Variants in CFP observed in about 807,000 individuals in gnomAD.
CFP encodes the protein properdin.
In CFP, 14 loss-of-function variants were observed where a neutral mutation model predicts 42.1. That is an observed-to-expected ratio of 0.33 (90% confidence interval 0.22 to 0.52). The LOEUF (loss-of-function observed/expected upper bound fraction) is 0.52. Ranked by LOEUF, CFP falls within the 20% of genes least tolerant of loss-of-function variation. The probability of loss-of-function intolerance (pLI) is 0.96; values close to 1 mark genes in which losing one functional copy is unlikely to be tolerated. For missense variants in CFP, 318 were observed against 400.4 expected (o/e 0.79, Z 1.76); for synonymous variants, 149 against 160.6 (o/e 0.93, Z 0.54).
At chrX:47,626,565 G>A (rs2057969325) in intron 6 of CFP, 46 bp from the exon 7 acceptor site, 1 of 1,180,010 alleles carries the variant, frequency 8.5e-7, no homozygotes, top group South Asian at 1.8e-5. Flanking sequence ...CAGGGAATCA[G>A]CAAGGGGGTT....
intron 2 of CFP, 36 bp downstream of exon 2, chrX:47,629,488 C>CCCCCCCCCCCCACCCCCCCCCCA: frequency 1.5e-6 from 1 of 657,607 alleles, no homozygotes; most frequent in Non-Finnish European, 2.4e-6. Context: ...ACAGTCCTTC[C>CCCCCCCCCCCCACCCCCCCCCCA]CTCCCCCCCA....
At chrX:47,629,500 C>CCCCCAAA in intron 2 of CFP, 24 bp downstream of exon 2, 1 of 477,887 alleles carries the variant, frequency 2.1e-6, no homozygotes. Flanking sequence ...TCCCCCCCAT[C>CCCCCAAA]CCCCACCCCA....
At chrX:47,629,088 G>A (rs2057980515) in intron 2 of CFP, 1 of 160,751 alleles carries the variant, frequency 6.2e-6, no homozygotes, top group Non-Finnish European at 1.2e-5. Context: ...AACATGAGCT[G>A]TCATCAAAAT....
At chrX:47,628,858 G>T in intron 2 of CFP, 2 of 190,696 alleles carry the variant, frequency 1.0e-5, no homozygotes, top group Admixed American at 1.3e-4. Flanking sequence ...TCTGGCATAC[G>T]GTAAGGGCTC....
At chrX:47,626,573 G>T in intron 6 of CFP, 54 bp from the exon 7 acceptor site, 1 of 1,171,406 alleles carries the variant, frequency 8.5e-7, no homozygotes, top group Non-Finnish European at 1.2e-6. Context: ...CAGCAAGGGG[G>T]TTCAGAGGAA....
chrX:47,623,996 C>G lies in CFP; in HGVS notation c.*279G>C. ...GAGGCTCTAAGGGGGCTGCGCAGGG[C>G]CCAGACATTGGGGTTATGGCAGCGG... On this transcript the variant is annotated 3_prime_UTR_variant, in exon 9 of 9. Coordinates refer to ENST00000396992, the MANE Select transcript of CFP (RefSeq NM_001145252.3). 2.7e-6 allele frequency: 1 copy of G among 366,103 alleles called. No homozygotes were observed. Among genetic ancestry groups the G allele is most frequent in the Non-Finnish European group, 4.8e-6 (1 of 206,554 alleles). 30.2% of individuals were successfully genotyped at this position (366,103 alleles called of 1,213,427 possible). A position where few individuals can be genotyped will look rare whatever the true frequency, so the allele number is the denominator to read the frequency against.
chrX:47,625,774 A>C, intron 8 of CFP: 1 of 382,676 alleles, frequency 2.6e-6, no homozygotes, highest in Non-Finnish European at 4.6e-6. Context: ...GAGTGATGGC[A>C]GCTAAAAGCA....
rs752196898 is a variant in CFP at position 47,629,619 on chromosome X, C to T, written c.132G>A (p.Lys44=). The T allele has an allele frequency of 8.6e-7, 1 of 1,169,220 alleles. No homozygotes were observed. The highest frequency in any genetic ancestry group is 1.1e-6 in the Non-Finnish European group (1 of 873,209). ...TQYEESSGKC[K]GLLGGGVSVE... ...CGCTGACACCACCCCCCAGGAGGCC[C>T]TTGCACTTGCCGGAGGATTCTTCAT... Residue 44 remains lysine, a synonymous_variant, in exon 2 of 9, where the codon AAG becomes AAA. Coordinates refer to ENST00000396992, the MANE Select transcript of CFP (RefSeq NM_001145252.3).
intron 2 of CFP, 34 bp downstream of exon 2, chrX:47,629,490 T>TGC: frequency 2.7e-6 from 1 of 375,004 alleles, no homozygotes; most frequent in Non-Finnish European, 4.8e-6. Flanking sequence ...AGTCCTTCCC[T>TGC]CCCCCCCATC....
rs1444150137 is a variant in CFP at position 47,627,243 on chromosome X, G to A, written c.664C>T (p.Arg222Cys). The A allele has an allele frequency of 3.3e-6, 4 of 1,210,017 alleles. No homozygotes were observed. The highest frequency in any genetic ancestry group is 4.4e-5 in the Admixed American group (2 of 45,946). The change falls in exon 5 of 9, where the codon CGC becomes TGC. Residue 222 changes from arginine (R) to cysteine (C), a missense_variant. By Grantham distance (180) the Arg-to-Cys change is radical (BLOSUM62 -3). Transcript: ENST00000396992. ...GPHEPKETRS[R>C]KCSAPEPSQK... ...GAGGGCTCAGGTGCAGAACACTTGC[G>A]GCTTCGTGTCTCCTTAGGTTCGTGG...
At position 47,624,158 on chromosome X, in the gene CFP, A is replaced by G. The variant is rs1250840985; in HGVS notation, c.*117T>C. 1.3e-6 allele frequency: 1 copy of G among 787,070 alleles called. No homozygotes were observed. Among genetic ancestry groups the G allele is most frequent in the African/African-American group, 2.1e-5 (1 of 48,601 alleles). The allele number at this position is 787,070 out of a possible 1,213,427, so 64.9% of individuals were successfully genotyped here. ...TTGCCCTATGAGATGCTATCACCCTACTTTTGGGGAAGGGGATAGGTTGTT... is the reference window on the plus strand; with the variant it reads ...TTGCCCTATGAGATGCTATCACCCTGCTTTTGGGGAAGGGGATAGGTTGTT... On this transcript the variant is annotated 3_prime_UTR_variant, in exon 9 of 9. Transcript: ENST00000396992.
chrX:47,627,002 C>T (rs772621420), intron 5 of CFP, 56 bp from the exon 6 acceptor site: 2 of 1,147,348 alleles, frequency 1.7e-6, no homozygotes, highest in South Asian at 1.9e-5. Flanking sequence ...TTCCTCTCAG[C>T]CCCTAGACCC....
At chrX:47,629,407 G>C in intron 2 of CFP, 117 bp downstream of exon 2, 5 of 558,361 alleles carry the variant, frequency 9.0e-6, no homozygotes, top group Non-Finnish European at 1.5e-5. Context: ...GTATGGTCAC[G>C]ATCAGGGCCT....
Position 47,624,236 on chromosome X carries a change from T to G in CFP, c.*39A>C, listed in dbSNP as rs1355190318. ...ACTCGAAGAGGCTAGTTTATTGAGG[T>G]TTGGAAGGTCAGGGGGCTCAGAGTG... is the stretch of plus-strand genomic sequence containing the variant. On this transcript the variant is annotated 3_prime_UTR_variant, in exon 9 of 9. Coordinates refer to ENST00000396992, the MANE Select transcript of CFP (RefSeq NM_001145252.3). 3 of 1,200,196 alleles carry G rather than the reference T, an allele frequency of 2.5e-6. No homozygotes were observed. Among genetic ancestry groups the G allele is most frequent in the Non-Finnish European group, 3.4e-6 (3 of 885,410 alleles).
upstream of CFP, chrX:47,630,238 C>T (rs2057985906): frequency 9.4e-6 from 2 of 212,429 alleles, no homozygotes; most frequent in Admixed American, 6.6e-5. Context: ...AATGCATAAT[C>T]TCTAACATAA....
rs8177073 is a variant in CFP at position 47,628,379 on chromosome X, C to T, written c.228-102G>A. ...GACACGAAGGGTTGCTAGGCAAGTG[C>T]GTGTGCGATGGATTGATAAGTCCTT... is the stretch of plus-strand genomic sequence containing the variant. On this transcript the variant is annotated intron_variant, in intron 2 of 8. Coordinates refer to ENST00000396992, the MANE Select transcript of CFP (RefSeq NM_001145252.3). 4.1e-4 allele frequency: 333 copies of T among 811,445 alleles called. No homozygotes were observed. In the African/African-American group the frequency reaches 5.1e-3, roughly 12 times the overall value. 66.9% of individuals were successfully genotyped at this position (811,445 alleles called of 1,213,427 possible).
At chrX:47,624,980 C>T (rs779178140) in intron 8 of CFP, 6 of 111,890 alleles carry the variant, frequency 5.4e-5, no homozygotes, top group Admixed American at 1.9e-4. Flanking sequence ...AATATATACC[C>T]TTTATATCTC....
In CFP at chrX:47,623,956, G is replaced by C. The variant is rs959304763; in HGVS notation, c.*319C>G. Reference sequence around the variant, plus strand: ...GTAACGCGGAGCTCTGCAGAGGAACGTGCCGGGCGGCCCTGAGGCTCTAAG... The same window carrying C: ...GTAACGCGGAGCTCTGCAGAGGAACCTGCCGGGCGGCCCTGAGGCTCTAAG... On this transcript the variant is annotated 3_prime_UTR_variant, in exon 9 of 9. Transcript: ENST00000396992. The C allele has an allele frequency of 3.5e-6, 1 of 287,845 alleles. No individual in the cohort carries two copies. Among genetic ancestry groups the C allele is most frequent in the Non-Finnish European group, 6.2e-6 (1 of 161,407 alleles). 23.7% of individuals were successfully genotyped at this position (287,845 alleles called of 1,213,427 possible). A position where few individuals can be genotyped will look rare whatever the true frequency, so the allele number is the denominator to read the frequency against.
chrX:47,623,984 G>C lies in CFP; in HGVS notation c.*291C>G. 1 of 343,994 alleles carries C rather than the reference G, an allele frequency of 2.9e-6. No individual in the cohort carries two copies. The allele number at this position is 343,994 out of a possible 1,213,427, so 28.3% of individuals were successfully genotyped here. ...CCGGGCGGCCCTGAGGCTCTAAGGGGGCTGCGCAGGGCCCAGACATTGGGG... is the reference window on the plus strand; with the variant it reads ...CCGGGCGGCCCTGAGGCTCTAAGGGCGCTGCGCAGGGCCCAGACATTGGGG... On this transcript the variant is annotated 3_prime_UTR_variant, in exon 9 of 9. Coordinates refer to ENST00000396992, the MANE Select transcript of CFP (RefSeq NM_001145252.3).
Sources: allele counts gnomAD v4.1 joint callset, GRCh38; gene constraint gnomAD v4.1.1; transcripts MANE v1.5; gene names NCBI Gene and HGNC (gene_info 2026-07-23, HGNC 2026-07-21).